The following GABRB1 variants were observed in gnomAD, a reference collection of about 807,000 sequenced individuals.
The protein encoded by GABRB1 is gamma-aminobutyric acid type A receptor subunit beta1, also known as gamma-aminobutyric acid receptor subunit beta-1.
In GABRB1, 17 loss-of-function variants were observed where a neutral mutation model predicts 51.6. The ratio of observed to expected loss-of-function variants is 0.33; its 90% CI spans 0.23 to 0.49. The LOEUF (loss-of-function observed/expected upper bound fraction) is 0.49. Ranked by LOEUF, GABRB1 falls within the 20% of genes least tolerant of loss-of-function variation. GABRB1 has a pLI of 0.99. For missense variants in GABRB1, 410 were observed against 600.6 expected (o/e 0.68, Z 3.32); for synonymous variants, 247 against 218.9 (o/e 1.13, Z -1.14).
intron 4 of GABRB1, among the ~76,000 whole-genome samples, chr4:47,283,970 T>C (rs13144814): frequency 0.69 from 104,347 of 151,560 alleles, 36,793 homozygotes; most frequent in East Asian, 0.98. Context: ...CGGTGGCAGG[T>C]GTCTGTAGTC....
intron 3 of GABRB1, among the ~76,000 whole-genome samples, chr4:47,048,248 C>T (rs1457818982): frequency 6.6e-6 from 1 of 152,078 alleles, no homozygotes; most frequent in Non-Finnish European, 1.5e-5. Flanking sequence ...AGGCCCTGGG[C>T]TAGGCCATTA....
At chr4:47,045,154 C>A (rs1231771286) in intron 3 of GABRB1, among the ~76,000 whole-genome samples, 1 of 152,010 alleles carries the variant, frequency 6.6e-6, no homozygotes, top group Non-Finnish European at 1.5e-5. Flanking sequence ...AGTGACTATG[C>A]AAGTCCTTGA....
chr4:47,044,202 G>A (rs11727328), intron 3 of GABRB1, among the ~76,000 whole-genome samples: 17,693 of 152,018 alleles, frequency 0.12, 1,426 homozygotes, highest in East Asian at 0.28. Context: ...TTCTCTGCTT[G>A]TGTAACATCT....
rs1468111668 is a variant in GABRB1 at position 47,242,008 on chromosome 4, G to T, written c.462-78119G>T. ...CCCGTTAACTGGTCATTTACATTAGGTATATCTCCTGATGCTATCCCTTCC... is the reference window on the plus strand; with the variant it reads ...CCCGTTAACTGGTCATTTACATTAGTTATATCTCCTGATGCTATCCCTTCC... On this transcript the variant is annotated intron_variant, in intron 4 of 8. Transcript: ENST00000295454. Among the ~76,000 whole-genome samples, 7 of 152,066 alleles carry T rather than the reference G, an allele frequency of 4.6e-5. No individual in the cohort carries two copies. The East Asian group carries it at 1.4e-3, about 29-fold the overall frequency.
At chr4:47,177,321 AC>A (rs1428724448) in intron 4 of GABRB1, among the ~76,000 whole-genome samples, 1 of 152,048 alleles carries the variant, frequency 6.6e-6, no homozygotes, top group African/African-American at 2.4e-5. Context: ...TATTTGAGAA[AC>A]CTGGGGGTAA....
At chr4:47,054,689 TCTC>T (rs1228225255) in intron 3 of GABRB1, among the ~76,000 whole-genome samples, 2 of 152,050 alleles carry the variant, frequency 1.3e-5, no homozygotes, top group African/African-American at 4.8e-5. Context: ...TTCAAGCAAT[TCTC>T]CTGCCTCAGC....
intron 1 of GABRB1, among the ~76,000 whole-genome samples, chr4:47,001,255 G>A (rs912494688): frequency 6.6e-6 from 1 of 152,036 alleles, no homozygotes; most frequent in Non-Finnish European, 1.5e-5. Context: ...CCATTCTCCT[G>A]CCTCAGCCTC....
chr4:47,025,568 A>G (rs1373475573), intron 1 of GABRB1, among the ~76,000 whole-genome samples: 4 of 151,924 alleles, frequency 2.6e-5, no homozygotes, highest in African/African-American at 9.7e-5. Context: ...TCATATTCTC[A>G]GTCCAGGTTT....
intron 4 of GABRB1, among the ~76,000 whole-genome samples, chr4:47,234,638 T>C (rs1721259190): frequency 6.6e-6 from 1 of 152,228 alleles, no homozygotes; most frequent in Non-Finnish European, 1.5e-5. Flanking sequence ...TAAGATTTTA[T>C]TGATGGTAAA....
At chr4:47,275,562 T>C (rs1723042971) in intron 4 of GABRB1, among the ~76,000 whole-genome samples, 1 of 152,054 alleles carries the variant, frequency 6.6e-6, no homozygotes, top group Non-Finnish European at 1.5e-5. Context: ...AATCAAAGAG[T>C]ATATCTTATC....
At chr4:47,298,697 T>C (rs377544927) in intron 4 of GABRB1, among the ~76,000 whole-genome samples, 128 of 152,258 alleles carry the variant, frequency 8.4e-4, no homozygotes, top group African/African-American at 2.9e-3. Context: ...CCATCCCCAT[T>C]AAGCTACCAA....
At chr4:47,022,987 C>T (rs1724970026) in intron 1 of GABRB1, among the ~76,000 whole-genome samples, 1 of 151,942 alleles carries the variant, frequency 6.6e-6, no homozygotes. Context: ...GAGTACTATT[C>T]AGCCATAAAA....
chr4:47,286,410 C>CT (rs1192610612), intron 4 of GABRB1, among the ~76,000 whole-genome samples: 10 of 152,060 alleles, frequency 6.6e-5, no homozygotes, highest in African/African-American at 2.4e-4. Context: ...TGCTTGCACC[C>CT]TTCAGTGACT....
chr4:47,202,722 A>G (rs1381395239), intron 4 of GABRB1, among the ~76,000 whole-genome samples: 1 of 152,144 alleles, frequency 6.6e-6, no homozygotes, highest in Non-Finnish European at 1.5e-5. Flanking sequence ...TGGTCTACAC[A>G]TTGCACATTC....
chr4:47,218,259 C>G (rs911754980), intron 4 of GABRB1, among the ~76,000 whole-genome samples: 3 of 151,808 alleles, frequency 2.0e-5, no homozygotes, highest in Non-Finnish European at 4.4e-5. Flanking sequence ...TAAGTTGATT[C>G]CATAACTTGG....
chr4:47,326,224 G>A (rs984581484), intron 5 of GABRB1, among the ~76,000 whole-genome samples: 4 of 152,062 alleles, frequency 2.6e-5, no homozygotes, highest in African/African-American at 2.4e-5. Context: ...GATGATCCAG[G>A]ATCACCCAAA....
chr4:47,380,569 T>A (rs1371390518), intron 5 of GABRB1, among the ~76,000 whole-genome samples: 2 of 152,240 alleles, frequency 1.3e-5, no homozygotes, highest in Non-Finnish European at 2.9e-5. Context: ...CATGTTTTAC[T>A]AACATGAACT....
intron 4 of GABRB1, among the ~76,000 whole-genome samples, chr4:47,228,024 T>C (rs937495668): frequency 1.3e-5 from 2 of 152,160 alleles, no homozygotes; most frequent in Non-Finnish European, 2.9e-5. Flanking sequence ...AGTCACATAC[T>C]GAAGTACTGA....
intron 4 of GABRB1, among the ~76,000 whole-genome samples, chr4:47,284,768 A>C (rs1390058475): frequency 1.3e-5 from 2 of 152,246 alleles, no homozygotes; most frequent in African/African-American, 4.8e-5. Context: ...TGGACTGTGC[A>C]AGCACAAAAC....
Sources: allele counts gnomAD v4.1 joint callset (sites outside exome capture counted in the v4.1 genomes callset), GRCh38; gene constraint gnomAD v4.1.1; transcripts MANE v1.5; gene names NCBI Gene and HGNC (gene_info 2026-07-23, HGNC 2026-07-21).